The following HTR1F variants were observed in gnomAD, a reference collection of about 807,000 sequenced individuals.
HTR1F encodes 5-hydroxytryptamine (serotonin) receptor 1F, G protein-coupled.
Under a neutral mutation model 24.0 loss-of-function variants are expected in HTR1F, and 17 were observed. The observed-to-expected ratio is 0.71, with a 90% CI of 0.48 to 1.06. The LOEUF (loss-of-function observed/expected upper bound fraction) is 1.06, where lower values mean the gene tolerates loss of function less well. HTR1F is among the 50% of genes least tolerant of loss of function. HTR1F has a pLI of 0.00. For missense variants in HTR1F, 391 were observed against 427.8 expected, an observed-to-expected ratio of 0.91 and a Z score of 0.76; for synonymous variants, 186 against 156.8, an observed-to-expected ratio of 1.19 and a Z score of -1.39.
chr3:87,794,454 A>G (rs1478488688), intron 1 of HTR1F, among the ~76,000 whole-genome samples: 1 of 152,232 alleles, frequency 6.6e-6, no homozygotes, highest in African/African-American at 2.4e-5. Flanking sequence ...CAATAAAGGA[A>G]CAAACTCAGA....
At chr3:87,890,874 C>T (rs1706065437) in intron 2 of HTR1F, among the ~76,000 whole-genome samples, 2 of 146,356 alleles carry the variant, frequency 1.4e-5, no homozygotes, top group African/African-American at 5.2e-5. Context: ...CAGAGTCTTG[C>T]TCTGTTGCCC....
chr3:87,889,571 G>C (rs918370456), intron 2 of HTR1F, among the ~76,000 whole-genome samples: 5 of 152,080 alleles, frequency 3.3e-5, no homozygotes, highest in African/African-American at 1.2e-4. Context: ...AAAAAAACTT[G>C]CATATCTGGG....
At chr3:87,841,754 G>T (rs1443176472) in intron 2 of HTR1F, among the ~76,000 whole-genome samples, 2 of 151,302 alleles carry the variant, frequency 1.3e-5, no homozygotes, top group Non-Finnish European at 2.9e-5. Flanking sequence ...ACAAAAATTA[G>T]CCAGACGTGG....
At chr3:87,854,098 T>C (rs55846051) in intron 2 of HTR1F, among the ~76,000 whole-genome samples, 11,500 of 152,006 alleles carry the variant, frequency 0.076, 519 homozygotes, top group Middle Eastern at 0.11. Context: ...TTGTTCACTT[T>C]GTTCGTTTCT....
rs1373874148 is a variant in HTR1F at position 87,873,393 on chromosome 3, C to G, written c.-43+51269C>G. 2.0e-5 allele frequency among the ~76,000 whole-genome samples: 3 copies of G among 152,090 alleles called. No homozygotes were observed. The South Asian group carries it at 6.2e-4, about 32-fold the overall frequency. On this transcript the variant is annotated intron_variant, in intron 2 of 2. Coordinates refer to ENST00000319595, the MANE Select transcript of HTR1F (RefSeq NM_001322209.2). ...TCTGAAGGCCCAAGAAGCAGAAGCA[C>G]TAATATCTGAGAGCAGAGAAGATGA...
chr3:87,868,685 C>A (rs1171160083), intron 2 of HTR1F, among the ~76,000 whole-genome samples: 1 of 151,632 alleles, frequency 6.6e-6, no homozygotes, highest in African/African-American at 2.4e-5. Flanking sequence ...TAGAGAAAAA[C>A]CTCTGTCTAC....
chr3:87,908,125 T>C (rs768451060), intron 2 of HTR1F, among the ~76,000 whole-genome samples: 1 of 152,032 alleles, frequency 6.6e-6, no homozygotes, highest in African/African-American at 2.4e-5. Context: ...TGGCAACCTA[T>C]CTATTGAGAA....
At chr3:87,802,153 TCTCC>T (rs1205938893) in intron 1 of HTR1F, among the ~76,000 whole-genome samples, 44 of 31,846 alleles carry the variant, frequency 1.4e-3, no homozygotes, top group African/African-American at 2.1e-3. Flanking sequence ...TCCCTCCCTC[TCTCC>T]CTCCCTCCCT....
chr3:87,896,618 CA>C lies in HTR1F; in HGVS notation c.-43+74497del, dbSNP rs1243845877. Among the ~76,000 whole-genome samples, 6 of 152,164 alleles carry C rather than the reference CA, an allele frequency of 3.9e-5. No homozygotes were observed. In the East Asian group the frequency reaches 9.7e-4, roughly 25 times the overall value. ...TCTCCACAGCAAAGGAAACAATCAA[CA>C]AAGTGAAAAGGTGACCAATAGATTG... On this transcript the variant is annotated intron_variant, in intron 2 of 2. Transcript: ENST00000319595.
chr3:87,838,675 C>A (rs1005252671), intron 2 of HTR1F, among the ~76,000 whole-genome samples: 1 of 151,816 alleles, frequency 6.6e-6, no homozygotes, highest in African/African-American at 2.4e-5. Context: ...AAATGAAAAC[C>A]GATTGAACTG....
At chr3:87,817,593 CGTT>C (rs1272149696) in intron 1 of HTR1F, among the ~76,000 whole-genome samples, 3 of 152,060 alleles carry the variant, frequency 2.0e-5, no homozygotes, top group African/African-American at 7.2e-5. Context: ...GGCATTTTGT[CGTT>C]GTTTTGAATA....
rs76729286 is a variant in HTR1F, at chr3:87,979,872, C to A, written c.-42-10836C>A. On this transcript the variant is annotated intron_variant, in intron 2 of 2. Transcript: ENST00000319595. ...CCCTGCAGCTGAATCAGATGCTCTG[C>A]AAGCAGCTTCTGCTGTGGGCGCCCA... 9.4e-3 allele frequency among the ~76,000 whole-genome samples: 1,439 copies of A among 152,348 alleles called. 27 individuals carry two copies. The highest frequency in any genetic ancestry group is 0.033 in the African/African-American group (1,381 of 41,586).
chr3:87,836,215 C>A (rs532055500), intron 2 of HTR1F, among the ~76,000 whole-genome samples: 1 of 152,140 alleles, frequency 6.6e-6, no homozygotes, highest in Non-Finnish European at 1.5e-5. Flanking sequence ...GACAATACTT[C>A]TATTCTGTTA....
chr3:87,804,329 C>T (rs373706346), intron 1 of HTR1F, among the ~76,000 whole-genome samples: 2 of 151,776 alleles, frequency 1.3e-5, no homozygotes, highest in Admixed American at 6.6e-5. Flanking sequence ...CCCAGCTATT[C>T]GGGAGGCTGA....
At chr3:87,865,815 T>A (rs1040145193) in intron 2 of HTR1F, among the ~76,000 whole-genome samples, 4 of 152,204 alleles carry the variant, frequency 2.6e-5, no homozygotes, top group African/African-American at 9.6e-5. Flanking sequence ...CTGTGAACAT[T>A]CTGGTGCATG....
At chr3:87,826,436 G>A (rs760041680) in intron 2 of HTR1F, among the ~76,000 whole-genome samples, 4 of 151,980 alleles carry the variant, frequency 2.6e-5, no homozygotes, top group African/African-American at 7.3e-5. Flanking sequence ...TCTGCCACTC[G>A]TTCTTTTTAC....
chr3:87,954,044 G>A (rs1576084039), intron 2 of HTR1F, among the ~76,000 whole-genome samples: 2 of 151,832 alleles, frequency 1.3e-5, no homozygotes, highest in South Asian at 4.1e-4. Flanking sequence ...GGGTGGCGAG[G>A]TGGTGGGCAG....
intron 2 of HTR1F, among the ~76,000 whole-genome samples, chr3:87,888,926 TTG>T (rs1345908449): frequency 6.6e-6 from 1 of 152,220 alleles, no homozygotes; most frequent in Non-Finnish European, 1.5e-5. Context: ...CTTCCAATTC[TTG>T]TGTTGAAATC....
intron 2 of HTR1F, among the ~76,000 whole-genome samples, chr3:87,901,254 T>C (rs1706314029): frequency 6.6e-6 from 1 of 152,116 alleles, no homozygotes; most frequent in Admixed American, 6.6e-5. Context: ...GTGACTGTAT[T>C]TGAGATAAGG....
Sources: allele counts gnomAD v4.1 joint callset (sites outside exome capture counted in the v4.1 genomes callset), GRCh38; gene constraint gnomAD v4.1.1; transcripts MANE v1.5; gene names NCBI Gene and HGNC (gene_info 2026-07-23, HGNC 2026-07-21).